Variants in MIDEAS observed in about 807,000 individuals in gnomAD.
MIDEAS encodes the protein mitotic deacetylase-associated SANT domain protein.
In MIDEAS, 26 loss-of-function variants were observed where a neutral mutation model predicts 102.7. The observed-to-expected ratio is 0.25, with a 90% CI of 0.19 to 0.35. The LOEUF is 0.35. MIDEAS is among the 10% of genes least tolerant of loss of function. MIDEAS has a pLI of 1.00. For missense variants in MIDEAS, 1,231 were observed against 1,435.6 expected (o/e 0.86, Z 2.30); for synonymous variants, 585 against 591.0 (o/e 0.99, Z 0.15).
At chr14:73,719,112 CA>C in intron 12 of MIDEAS, 104 bp from the exon 13 acceptor site, 1 of 1,457,820 alleles carries the variant, frequency 6.9e-7, no homozygotes, top group Non-Finnish European at 9.0e-7. Context: ...CCACGCTGCA[CA>C]GCCGCGGCCG....
At chr14:73,766,029 C>G (rs1471795269) in intron 1 of MIDEAS, among the ~76,000 whole-genome samples, 1 of 152,192 alleles carries the variant, frequency 6.6e-6, no homozygotes. Flanking sequence ...GGCTTCTTCC[C>G]CGGCTCTACC....
chr14:73,780,164 G>A (rs181861856), intron 1 of MIDEAS, among the ~76,000 whole-genome samples: 9 of 152,216 alleles, frequency 5.9e-5, no homozygotes, highest in East Asian at 5.8e-4. Flanking sequence ...GTGAGCCACC[G>A]CGCCCGGCCG....
intron 3 of MIDEAS, among the ~76,000 whole-genome samples, chr14:73,734,041 G>A (rs1407448175): frequency 6.6e-6 from 1 of 151,940 alleles, no homozygotes; most frequent in African/African-American, 2.4e-5. Context: ...CTGGAGTGCA[G>A]TGGCATGATC....
At chr14:73,770,558 C>T (rs1020811158) in intron 1 of MIDEAS, among the ~76,000 whole-genome samples, 2 of 152,140 alleles carry the variant, frequency 1.3e-5, no homozygotes, top group Admixed American at 1.3e-4. Flanking sequence ...GCCTACAGAG[C>T]ATCCCTTATC....
chr14:73,748,329 A>C (rs2053379276), intron 1 of MIDEAS, among the ~76,000 whole-genome samples: 1 of 152,214 alleles, frequency 6.6e-6, no homozygotes, highest in Non-Finnish European at 1.5e-5. Context: ...ATGCAATTTC[A>C]TTAAAAAAAG....
rs1394027472 is a variant in MIDEAS at position 73,759,212 on chromosome 14, C to T, written c.-248+551G>A. On this transcript the variant is annotated intron_variant, in intron 1 of 12. Coordinates refer to ENST00000423556, the MANE Select transcript of MIDEAS (RefSeq NM_001367710.1). This position sits in a 1 kb window ranked among gnomAD's most constrained non-coding sequence, Gnocchi z 6.7. ...CTGTCCCCCAAACTCCTGGCGTGGA[C>T]GCCGCGTCCAGGCCCACTTTCCCGT... Among the ~76,000 whole-genome samples, 1 of 152,194 alleles carries T rather than the reference C, an allele frequency of 6.6e-6. No individual in the cohort carries two copies. Among genetic ancestry groups the T allele is most frequent in the African/African-American group, 2.4e-5 (1 of 41,462 alleles).
intron 1 of MIDEAS, among the ~76,000 whole-genome samples, chr14:73,765,502 G>T (rs2053585903): frequency 6.6e-6 from 1 of 152,060 alleles, no homozygotes; most frequent in Admixed American, 6.5e-5. Flanking sequence ...TTCTGGTTTT[G>T]CACACTTTAC....
At chr14:73,746,485 G>C (rs1044503355) in intron 1 of MIDEAS, among the ~76,000 whole-genome samples, 1 of 152,194 alleles carries the variant, frequency 6.6e-6, no homozygotes, top group Admixed American at 6.5e-5. Flanking sequence ...TCCTCCGCAG[G>C]AGACTCAGCA....
chr14:73,722,919 C>A, intron 9 of MIDEAS, 72 bp from the exon 10 acceptor site: 1 of 1,551,300 alleles, frequency 6.4e-7, no homozygotes. Context: ...TCCAGCCTTT[C>A]TCGTCCCTGC....
upstream of MIDEAS, among the ~76,000 whole-genome samples, chr14:73,760,729 G>T (rs1238319405): frequency 5.9e-5 from 9 of 152,244 alleles, no homozygotes; most frequent in East Asian, 1.7e-3. This position sits in a 1 kb window ranked among gnomAD's most constrained non-coding sequence, Gnocchi z 4.8. Context: ...GCTCAAAAGC[G>T]TCCTGGTGCG....
chr14:73,773,179 C>T (rs1390366844), intron 1 of MIDEAS, among the ~76,000 whole-genome samples: 1 of 151,696 alleles, frequency 6.6e-6, no homozygotes, highest in Non-Finnish European at 1.5e-5. Context: ...TGTGAGTTAC[C>T]CGGATTATCT....
chr14:73,773,979 A>C (rs1415277001), intron 1 of MIDEAS, among the ~76,000 whole-genome samples: 1 of 148,690 alleles, frequency 6.7e-6, no homozygotes, highest in Non-Finnish European at 1.5e-5. Flanking sequence ...CTGATATCAC[A>C]CCACTGCACT....
chr14:73,745,985 C>T (rs1347745396), intron 1 of MIDEAS, among the ~76,000 whole-genome samples: 3 of 152,212 alleles, frequency 2.0e-5, no homozygotes, highest in Non-Finnish European at 2.9e-5. Context: ...CAGAGAGTCA[C>T]GAGTCCCAGG....
upstream of MIDEAS, chr14:73,790,213 A>G (rs1397540486): frequency 2.6e-5 from 4 of 152,302 alleles, no homozygotes; most frequent in Non-Finnish European, 5.9e-5. Context: ...ATTTACTTTT[A>G]AAATATAAAA....
At chr14:73,769,357 G>C (rs2053621405) in intron 1 of MIDEAS, among the ~76,000 whole-genome samples, 1 of 152,226 alleles carries the variant, frequency 6.6e-6, no homozygotes, top group Admixed American at 6.5e-5. Context: ...TTTGACACAT[G>C]AGGAAACACA....
intron 1 of MIDEAS, among the ~76,000 whole-genome samples, chr14:73,784,871 C>T (rs2053791976): frequency 6.6e-6 from 1 of 152,208 alleles, no homozygotes; most frequent in Admixed American, 6.5e-5. Context: ...TTTCTGGAAG[C>T]ACACAGGTAC....
At chr14:73,754,311 C>T (rs1477617240) in intron 1 of MIDEAS, among the ~76,000 whole-genome samples, 1 of 152,238 alleles carries the variant, frequency 6.6e-6, no homozygotes, top group Non-Finnish European at 1.5e-5. Flanking sequence ...GCACAGCTGA[C>T]ACAGTGTGGG....
rs2053043771 is a variant in MIDEAS, at chr14:73,725,154, T to C, written c.2574+118A>G. The C allele has an allele frequency of 1.3e-6, 1 of 743,260 alleles. No homozygotes were observed. The highest frequency in any genetic ancestry group is 1.7e-5 in the African/African-American group (1 of 57,488). The allele number at this position is 743,260 out of a possible 1,614,324, so 46.0% of individuals were successfully genotyped here. On this transcript the variant is annotated intron_variant, in intron 9 of 12. Transcript: ENST00000423556. The surrounding 1 kb of genome is among the most constrained non-coding windows in gnomAD (Gnocchi z 4.1). ...TTGTTTAGGAAATTCTCTCTGAGGC[T>C]ACTCAGTAGCATTGACCTGACTGCT... is the stretch of plus-strand genomic sequence containing the variant.
At chr14:73,779,857 G>A (rs1267372666) in intron 1 of MIDEAS, among the ~76,000 whole-genome samples, 6 of 147,252 alleles carry the variant, frequency 4.1e-5, no homozygotes, top group Admixed American at 1.4e-4. Flanking sequence ...GATTACAGGC[G>A]TGAGCCACCG....
Sources: allele counts gnomAD v4.1 joint callset (sites outside exome capture counted in the v4.1 genomes callset), GRCh38; gene constraint gnomAD v4.1.1; non-coding constraint Gnocchi (gnomAD v3.1); transcripts MANE v1.5; gene names NCBI Gene and HGNC (gene_info 2026-07-23, HGNC 2026-07-21).